The following IL1RAPL2 variants were observed in gnomAD, a reference collection of about 807,000 sequenced individuals.
IL1RAPL2 encodes interleukin 1 receptor accessory protein like 2, also known as X-linked interleukin-1 receptor accessory protein-like 2.
A neutral mutation model predicts 44.1 loss-of-function variants in IL1RAPL2; 3 were observed. That is an observed-to-expected ratio of 0.07 (90% CI 0.03 to 0.18). The LOEUF (loss-of-function observed/expected upper bound fraction) is 0.18. Among genes scored for constraint, IL1RAPL2 ranks in the 10% least tolerant of loss-of-function variants. The pLI is 1.00. For missense variants in IL1RAPL2, 391 were observed against 496.4 expected, an observed-to-expected ratio of 0.79 and a Z score of 2.02; for synonymous variants, 181 against 178.8, an observed-to-expected ratio of 1.01 and a Z score of -0.10.
At chrX:105,766,835 A>G in intron 10 of IL1RAPL2, 129 bp from the exon 11 acceptor site, 2 of 458,005 alleles carry the variant, frequency 4.4e-6, no homozygotes, top group South Asian at 4.1e-5. Context: ...GGAATGTACC[A>G]TACAAGAAAA....
At chrX:104,678,479 C>G (rs1293056658) in intron 2 of IL1RAPL2, among the ~76,000 whole-genome samples, 2 of 111,768 alleles carry the variant, frequency 1.8e-5, no homozygotes, top group African/African-American at 6.5e-5. Flanking sequence ...TCTAAGTTAG[C>G]CTTTTTATAG....
chrX:104,903,932 G>T (rs994674372), intron 2 of IL1RAPL2, among the ~76,000 whole-genome samples: 2 of 111,518 alleles, frequency 1.8e-5, no homozygotes, highest in East Asian at 5.6e-4. Context: ...GATAAGTAGT[G>T]TTCTGTTCCA....
chrX:105,267,194 A>G (rs2034409587), intron 4 of IL1RAPL2, among the ~76,000 whole-genome samples, 194 bp from the exon 5 acceptor site: 1 of 111,571 alleles, frequency 9.0e-6, no homozygotes, highest in African/African-American at 3.3e-5. Context: ...TTTGTAGTGC[A>G]GTAGTTGTGA....
chrX:105,749,974 G>A (rs1483547189), intron 9 of IL1RAPL2, among the ~76,000 whole-genome samples: 1 of 111,572 alleles, frequency 9.0e-6, no homozygotes, highest in Non-Finnish European at 1.9e-5. Flanking sequence ...AGTTTAAAAA[G>A]ACAGACTTAA....
intron 5 of IL1RAPL2, among the ~76,000 whole-genome samples, chrX:105,307,361 A>G (rs1251910983): frequency 1.1e-5 from 1 of 88,291 alleles, no homozygotes; most frequent in Non-Finnish European, 2.1e-5. Context: ...GCTTGAGTCC[A>G]GGAGTTCAAG....
intron 5 of IL1RAPL2, among the ~76,000 whole-genome samples, chrX:105,366,934 T>C (rs1464788393): frequency 9.0e-6 from 1 of 111,672 alleles, no homozygotes; most frequent in Non-Finnish European, 1.9e-5. Flanking sequence ...GAAACTGGGG[T>C]GCTTAAGTCT....
intron 5 of IL1RAPL2, among the ~76,000 whole-genome samples, chrX:105,420,067 GT>G (rs544849472): frequency 4.7e-4 from 50 of 105,363 alleles, no homozygotes; most frequent in African/African-American, 9.3e-4. Context: ...ACTAACCCAG[GT>G]TTTTTTTTTT....
chrX:105,577,347 C>T (rs1187541201), intron 6 of IL1RAPL2, among the ~76,000 whole-genome samples: 1 of 111,035 alleles, frequency 9.0e-6, no homozygotes, highest in African/African-American at 3.3e-5. Context: ...CAGATAATTT[C>T]TTCCCTTATA....
chrX:104,775,260 T>C (rs975740735), intron 2 of IL1RAPL2, among the ~76,000 whole-genome samples: 3 of 112,324 alleles, frequency 2.7e-5, no homozygotes, highest in Admixed American at 9.5e-5. Flanking sequence ...TCAGGGTGGA[T>C]GGTGTTTTAG....
chrX:104,582,488 T>C (rs1376112626), intron 1 of IL1RAPL2, among the ~76,000 whole-genome samples: 1 of 110,218 alleles, frequency 9.1e-6, no homozygotes, highest in Non-Finnish European at 1.9e-5. Flanking sequence ...CATACAGCTT[T>C]TTCTTTTCTC....
intron 1 of IL1RAPL2, among the ~76,000 whole-genome samples, chrX:104,633,236 G>A (rs1301065674): frequency 3.6e-5 from 4 of 111,422 alleles, no homozygotes; most frequent in African/African-American, 6.5e-5. Context: ...TGCTGGATTC[G>A]GTTTGCCAGT....
chrX:104,757,880 T>C (rs780549643), intron 2 of IL1RAPL2, among the ~76,000 whole-genome samples: 1 of 112,075 alleles, frequency 8.9e-6, no homozygotes, highest in East Asian at 2.8e-4. Flanking sequence ...CCCTTCCACA[T>C]GCTTACATCC....
At chrX:104,643,202 G>A (rs1249052548) in intron 1 of IL1RAPL2, among the ~76,000 whole-genome samples, 1 of 111,716 alleles carries the variant, frequency 9.0e-6, no homozygotes, top group East Asian at 2.8e-4. Context: ...TAGGATATCA[G>A]TTGGGAGAAA....
chrX:104,736,401 C>T (rs1932013533), intron 2 of IL1RAPL2, among the ~76,000 whole-genome samples: 1 of 111,765 alleles, frequency 8.9e-6, no homozygotes, highest in Non-Finnish European at 1.9e-5. Flanking sequence ...ATGCCCATTC[C>T]AAATTATGTT....
At chrX:105,577,161 C>T in intron 6 of IL1RAPL2, among the ~76,000 whole-genome samples, 1 of 111,359 alleles carries the variant, frequency 9.0e-6, no homozygotes. Context: ...CTGAATATTT[C>T]AGTAGCTGAT....
intron 5 of IL1RAPL2, among the ~76,000 whole-genome samples, chrX:105,276,681 T>C (rs2034488958): frequency 8.9e-6 from 1 of 112,261 alleles, no homozygotes; most frequent in Non-Finnish European, 1.9e-5. Context: ...TAAAACAGCC[T>C]GTATGCTAAA....
At chrX:105,117,197 G>T (rs1416842548) in intron 2 of IL1RAPL2, among the ~76,000 whole-genome samples, 1 of 112,145 alleles carries the variant, frequency 8.9e-6, no homozygotes, top group East Asian at 2.8e-4. Flanking sequence ...CAGATGAGAA[G>T]ATTTATTGTC....
At chrX:105,659,385 C>T (rs368623041) in intron 6 of IL1RAPL2, among the ~76,000 whole-genome samples, 4 of 111,046 alleles carry the variant, frequency 3.6e-5, no homozygotes, top group African/African-American at 1.3e-4. Context: ...GGGACGGGCG[C>T]GGTGGCTCAG....
intron 5 of IL1RAPL2, among the ~76,000 whole-genome samples, chrX:105,386,104 A>G (rs1209649378): frequency 8.9e-6 from 1 of 111,763 alleles, no homozygotes; most frequent in Non-Finnish European, 1.9e-5. Context: ...CTTCAAAGGA[A>G]GAAAATTTCC....
Sources: allele counts gnomAD v4.1 joint callset (sites outside exome capture counted in the v4.1 genomes callset), GRCh38; gene constraint gnomAD v4.1.1; transcripts MANE v1.5; gene names NCBI Gene and HGNC (gene_info 2026-07-23, HGNC 2026-07-21).